The following INSL6 variants were observed in gnomAD, a reference collection of about 807,000 sequenced individuals.
The protein encoded by INSL6 is insulin like 6, also known as insulin-like peptide INSL6.
In INSL6, 16 loss-of-function variants were observed where a neutral mutation model predicts 9.4. That is an observed-to-expected ratio of 1.70 (90% CI 1.15 to 2.59). The LOEUF is 2.59. Ranked by LOEUF, INSL6 falls within the 30% of genes most tolerant of loss-of-function variation. The pLI is 0.00. For missense variants in INSL6, 391 were observed against 257.3 expected, an observed-to-expected ratio of 1.52 and a Z score of -3.56; for synonymous variants, 154 against 96.9, an observed-to-expected ratio of 1.59 and a Z score of -3.46.
intron 3 of INSL6, chr9:5,126,926 C>G (rs1824037711): frequency 4.4e-6 from 2 of 457,618 alleles, no homozygotes; most frequent in Non-Finnish European, 3.8e-6. Flanking sequence ...GTGAAAATAT[C>G]TGCTCAAAAC....
At chr9:5,036,603 A>C in the INSL6 span, among the ~76,000 whole-genome samples, 274 of 152,316 alleles carry the variant, frequency 1.8e-3, 3 homozygotes, top group African/African-American at 6.0e-3. Flanking sequence ...CAAAAACAAG[A>C]AATGGGGAAA....
At chr9:5,087,686 AT>A in the INSL6 span, among the ~76,000 whole-genome samples, 1 of 152,218 alleles carries the variant, frequency 6.6e-6, no homozygotes, top group Admixed American at 6.5e-5. Flanking sequence ...GTGATAAAAT[AT>A]ACATTTTCCC....
the INSL6 span, among the ~76,000 whole-genome samples, chr9:5,071,105 C>T: frequency 6.6e-6 from 1 of 152,132 alleles, no homozygotes; most frequent in African/African-American, 2.4e-5. Flanking sequence ...GGAATTTGGG[C>T]TTCATTATAC....
chr9:5,085,361 A>G, the INSL6 span: 13 of 901,832 alleles, frequency 1.4e-5, no homozygotes, highest in African/African-American at 2.0e-4. Context: ...CCGTACTGAT[A>G]GGTGATCTCA....
the INSL6 span, among the ~76,000 whole-genome samples, chr9:5,030,791 T>C: frequency 6.6e-6 from 1 of 152,144 alleles, no homozygotes; most frequent in Admixed American, 6.5e-5. Context: ...TATAAAAATA[T>C]GCAGTTGGAT....
the INSL6 span, among the ~76,000 whole-genome samples, chr9:5,044,145 T>C: frequency 6.6e-6 from 1 of 152,244 alleles, no homozygotes; most frequent in East Asian, 1.9e-4. Flanking sequence ...TCTACATTTT[T>C]TGTTTCCTAC....
At chr9:5,004,129 C>T in the INSL6 span, among the ~76,000 whole-genome samples, 2 of 152,070 alleles carry the variant, frequency 1.3e-5, no homozygotes, top group African/African-American at 4.8e-5. Flanking sequence ...ACATACTTAT[C>T]TTTTGTGGTG....
the INSL6 span, among the ~76,000 whole-genome samples, chr9:5,086,944 T>A: frequency 7.2e-5 from 11 of 152,204 alleles, no homozygotes; most frequent in African/African-American, 2.2e-4. Flanking sequence ...CTTCCCTTGA[T>A]TATCTGCTTC....
At chr9:5,167,653 T>C (rs1825085561) in intron 1 of INSL6, among the ~76,000 whole-genome samples, 1 of 152,230 alleles carries the variant, frequency 6.6e-6, no homozygotes, top group African/African-American at 2.4e-5. Context: ...TTGGCCACGC[T>C]ATCGTGGATC....
chr9:5,090,570 G>T, the INSL6 span: 1 of 1,568,516 alleles, frequency 6.4e-7, no homozygotes, highest in South Asian at 1.2e-5. Flanking sequence ...AGATATGCAA[G>T]GTAACTAATA....
chr9:5,064,842 C>T, the INSL6 span: 200 of 1,430,050 alleles, frequency 1.4e-4, no homozygotes, highest in Middle Eastern at 1.7e-3. Flanking sequence ...ATGGAGTTGA[C>T]TTTCTAAAAG....
the INSL6 span, among the ~76,000 whole-genome samples, chr9:5,070,930 A>G: frequency 2.0e-5 from 3 of 152,198 alleles, no homozygotes; most frequent in Admixed American, 6.5e-5. Context: ...ACTATCCCTG[A>G]GTAAAACCAG....
chr9:5,087,469 A>G, the INSL6 span, among the ~76,000 whole-genome samples: 13 of 49,562 alleles, frequency 2.6e-4, no homozygotes, highest in African/African-American at 3.2e-3. Flanking sequence ...ATGCCAAACC[A>G]TATCACTCCC....
chr9:5,162,353 C>T (rs537522895), downstream of INSL6, among the ~76,000 whole-genome samples: 5 of 152,136 alleles, frequency 3.3e-5, no homozygotes, highest in African/African-American at 1.2e-4. Flanking sequence ...AAATTAAATA[C>T]AATCTAACAT....
chr9:5,158,036 G>C (rs530714260), intron 2 of INSL6, among the ~76,000 whole-genome samples: 2 of 152,262 alleles, frequency 1.3e-5, no homozygotes, highest in African/African-American at 2.4e-5. Context: ...TTCTGGAGTA[G>C]AAAAATGCAG....
the INSL6 span, among the ~76,000 whole-genome samples, chr9:5,032,105 C>T: frequency 5.3e-5 from 8 of 152,270 alleles, no homozygotes; most frequent in South Asian, 4.1e-4. Flanking sequence ...GCACATATCC[C>T]GCGCCTGGCT....
intron 1 of INSL6, among the ~76,000 whole-genome samples, chr9:5,180,054 G>T (rs1825412228): frequency 6.6e-6 from 1 of 152,222 alleles, no homozygotes; most frequent in Admixed American, 6.5e-5. Flanking sequence ...TATATATTCT[G>T]TTGTGGGAAG....
intron 2 of INSL6, among the ~76,000 whole-genome samples, chr9:5,158,509 T>C (rs552850936): frequency 6.6e-6 from 1 of 152,092 alleles, no homozygotes; most frequent in Admixed American, 6.6e-5. Context: ...ATTAATACAA[T>C]GGAACTTCAA....
At chr9:5,066,510 T>C in the INSL6 span, among the ~76,000 whole-genome samples, 5 of 152,220 alleles carry the variant, frequency 3.3e-5, no homozygotes, top group South Asian at 1.0e-3. Context: ...TACTGCAAAA[T>C]AGCTTGGTAC....
Sources: allele counts gnomAD v4.1 joint callset (sites outside exome capture counted in the v4.1 genomes callset), GRCh38; gene constraint gnomAD v4.1.1; transcripts MANE v1.5; gene names NCBI Gene and HGNC (gene_info 2026-07-23, HGNC 2026-07-21).